GRM8: variants seen among roughly 807,000 people sequenced by gnomAD.
GRM8 encodes glutamate metabotropic receptor 8, also known as metabotropic glutamate receptor 8.
A neutral mutation model predicts 87.2 loss-of-function variants in GRM8; 47 were observed. The observed-to-expected ratio is 0.54, with a 90% CI of 0.43 to 0.69. The LOEUF (loss-of-function observed/expected upper bound fraction) is 0.69, where lower values mean the gene tolerates loss of function less well. Ranked by LOEUF, GRM8 falls within the 30% of genes least tolerant of loss-of-function variation. The probability of loss-of-function intolerance (pLI) is 0.00; values close to 1 mark genes in which losing one functional copy is unlikely to be tolerated. For synonymous variants in GRM8, 396 were observed against 404.5 expected (o/e 0.98, Z 0.25); for missense variants, 1,019 against 1,139.2 (o/e 0.89, Z 1.52).
intron 3 of GRM8, among the ~76,000 whole-genome samples, chr7:127,079,827 C>T (rs1346504971): frequency 7.1e-6 from 1 of 141,006 alleles, no homozygotes; most frequent in East Asian, 2.0e-4. Flanking sequence ...ATGGAGACTT[C>T]GTAGGTATTT....
At chr7:126,787,675 T>C (rs1585931411) in intron 6 of GRM8, among the ~76,000 whole-genome samples, 1 of 152,152 alleles carries the variant, frequency 6.6e-6, no homozygotes, top group East Asian at 1.9e-4. Context: ...TCCCATTTTA[T>C]TTATTTATTT....
chr7:126,616,327 T>A (rs1267624728), intron 7 of GRM8, among the ~76,000 whole-genome samples: 2 of 152,096 alleles, frequency 1.3e-5, no homozygotes, highest in Non-Finnish European at 2.9e-5. Context: ...TTGAAACCAA[T>A]GAGAACAAAG....
At chr7:126,903,907 TC>T in intron 5 of GRM8, 64 bp downstream of exon 5, 1 of 944,280 alleles carries the variant, frequency 1.1e-6, no homozygotes, top group East Asian at 2.5e-5. Flanking sequence ...ATTATGATAC[TC>T]CAGTTTTGCC....
At chr7:126,586,967 C>G (rs1281151127) in intron 8 of GRM8, among the ~76,000 whole-genome samples, 1 of 152,008 alleles carries the variant, frequency 6.6e-6, no homozygotes, top group Non-Finnish European at 1.5e-5. Context: ...CTACAAAGAA[C>G]TCAAACAAAT....
At chr7:126,881,299 C>T (rs1353890562) in intron 6 of GRM8, among the ~76,000 whole-genome samples, 2 of 152,168 alleles carry the variant, frequency 1.3e-5, no homozygotes, top group African/African-American at 4.8e-5. Context: ...GGAAAAGGAG[C>T]AGTGTTTCCT....
chr7:127,251,657 G>T (rs553154870), intron 1 of GRM8, among the ~76,000 whole-genome samples: 4 of 151,396 alleles, frequency 2.6e-5, no homozygotes, highest in African/African-American at 9.7e-5. Context: ...GGCGCGCTGG[G>T]GATGCAGCCT....
chr7:126,923,467 C>T (rs1473339247), intron 3 of GRM8, among the ~76,000 whole-genome samples: 1 of 152,156 alleles, frequency 6.6e-6, no homozygotes, highest in Non-Finnish European at 1.5e-5. Context: ...CCACTACTGA[C>T]ACTTTATCTG....
intron 3 of GRM8, among the ~76,000 whole-genome samples, chr7:127,022,201 A>G (rs112062152): frequency 0.011 from 1,656 of 150,584 alleles, 27 homozygotes; most frequent in African/African-American, 0.037. Flanking sequence ...AAATTTTATT[A>G]TGGCAGCACA....
At chr7:126,496,640 C>T (rs920925097) in intron 9 of GRM8, among the ~76,000 whole-genome samples, 3 of 151,942 alleles carry the variant, frequency 2.0e-5, no homozygotes, top group African/African-American at 7.2e-5. Flanking sequence ...GTCAACCTCT[C>T]CCTTTGAAGG....
At chr7:126,991,304 G>A (rs936997098) in intron 3 of GRM8, among the ~76,000 whole-genome samples, 6 of 151,944 alleles carry the variant, frequency 3.9e-5, no homozygotes, top group East Asian at 1.9e-4. Flanking sequence ...TTGTTGTTTC[G>A]CTTTGTTTTA....
At chr7:126,748,602 GT>G (rs35336284) in intron 7 of GRM8, among the ~76,000 whole-genome samples, 5,086 of 118,796 alleles carry the variant, frequency 0.043, 66 homozygotes, top group African/African-American at 0.087. Flanking sequence ...AGCAGGTCGG[GT>G]TTTTTTTTTT....
At chr7:126,545,624 A>G in intron 8 of GRM8, among the ~76,000 whole-genome samples, 1 of 152,200 alleles carries the variant, frequency 6.6e-6, no homozygotes, top group South Asian at 2.1e-4. Context: ...TTTTAAACTT[A>G]AAAGTCAGCT....
intron 3 of GRM8, among the ~76,000 whole-genome samples, chr7:127,016,414 T>C (rs1449984684): frequency 1.3e-5 from 2 of 152,066 alleles, no homozygotes; most frequent in African/African-American, 2.4e-5. Flanking sequence ...TCTCTGTGTG[T>C]AATCCCCATA....
Position 126,446,382 on chromosome 7 carries a change from G to GA in GRM8, c.2431-11dup, listed in dbSNP as rs56884588. ...TTGTCTGGATGTACATCTGAGGGAAGAAAAAAAAAAGAATCACTGTTGGTA... is the reference window on the plus strand; with the variant it reads ...TTGTCTGGATGTACATCTGAGGGAAGAAAAAAAAAAAGAATCACTGTTGGTA... On this transcript the variant is annotated splice_polypyrimidine_tract_variant and intron_variant, in intron 9 of 10. Transcript: ENST00000339582. 0.046 allele frequency: 63,688 copies of GA among 1,370,318 alleles called. 1,124 individuals carry two copies. The highest frequency in any genetic ancestry group is 0.18 in the African/African-American group (12,344 of 67,432). The allele number at this position is 1,370,318 out of a possible 1,614,324, so 84.9% of individuals were successfully genotyped here.
chr7:127,245,214 T>G (rs926371425), intron 1 of GRM8, among the ~76,000 whole-genome samples: 1 of 152,252 alleles, frequency 6.6e-6, no homozygotes, highest in Non-Finnish European at 1.5e-5. Flanking sequence ...AGATTGTGTT[T>G]AACAGTTTCA....
intron 7 of GRM8, among the ~76,000 whole-genome samples, chr7:126,745,599 T>G (rs6952143): frequency 0.024 from 3,470 of 147,184 alleles, 127 homozygotes; most frequent in African/African-American, 0.088. Context: ...GCTTTTGGGT[T>G]TTTTTCCCCC....
At chr7:126,691,305 C>A (rs1038847749) in intron 7 of GRM8, among the ~76,000 whole-genome samples, 2 of 152,208 alleles carry the variant, frequency 1.3e-5, no homozygotes, top group Non-Finnish European at 2.9e-5. Context: ...TGGGCTCAGC[C>A]TTAACTTTGC....
intron 3 of GRM8, among the ~76,000 whole-genome samples, chr7:126,991,609 G>A (rs1050113907): frequency 6.6e-6 from 1 of 152,070 alleles, no homozygotes; most frequent in African/African-American, 2.4e-5. Context: ...GATTAAGATT[G>A]TTAAAATAAA....
chr7:126,864,606 T>C (rs1798435950), intron 6 of GRM8, among the ~76,000 whole-genome samples: 2 of 152,222 alleles, frequency 1.3e-5, no homozygotes, highest in Admixed American at 6.5e-5. Context: ...TACCTATATA[T>C]ATATGCCTAT....
Sources: gnomAD v4.1 joint callset for allele counts (sites outside exome capture counted in the v4.1 genomes callset) on GRCh38, gnomAD v4.1.1 for gene constraint, MANE v1.5 for transcripts, NCBI Gene and HGNC (gene_info 2026-07-23, HGNC 2026-07-21) for gene names.